Variants in SLC9A2 observed in about 807,000 individuals in gnomAD.
SLC9A2 encodes sodium/hydrogen exchanger 2.
A neutral mutation model predicts 71.7 loss-of-function variants in SLC9A2; 42 were observed. The observed-to-expected ratio is 0.59, with a 90% CI of 0.46 to 0.76. SLC9A2 has a LOEUF of 0.76. Ranked by LOEUF, SLC9A2 falls within the 30% of genes least tolerant of loss-of-function variation. SLC9A2 has a pLI of 0.00. For missense variants in SLC9A2, 829 were observed against 1,017.4 expected, an observed-to-expected ratio of 0.81 and a Z score of 2.52; for synonymous variants, 396 against 392.5, an observed-to-expected ratio of 1.01 and a Z score of -0.10.
rs369378782 is a variant in SLC9A2 at position 102,688,668 on chromosome 2, C to T, written c.1425+4332C>T. Among the ~76,000 whole-genome samples, 7 of 152,088 alleles carry T rather than the reference C, an allele frequency of 4.6e-5. No individual in the cohort carries two copies. The South Asian group carries it at 1.2e-3, about 27-fold the overall frequency. On this transcript the variant is annotated intron_variant, in intron 5 of 11. Transcript: ENST00000233969. ...GCTTGAACCAGGGAGTCAGAGGTTGCAGTGAGCCGAGATTTTGCCACTGCA... is the reference window on the plus strand; with the variant it reads ...GCTTGAACCAGGGAGTCAGAGGTTGTAGTGAGCCGAGATTTTGCCACTGCA...
Position 102,711,159 on chromosome 2 carries a change from C to A in SLC9A2, c.*2670C>A, listed in dbSNP as rs1251613687. 1 of 152,284 alleles carries A rather than the reference C, an allele frequency of 6.6e-6. No homozygotes were observed. Among genetic ancestry groups the A allele is most frequent in the South Asian group, 2.1e-4 (1 of 4,826 alleles). The allele number at this position is 152,284 out of a possible 1,614,324, so 9.4% of individuals were successfully genotyped here. ...TATTGATTTACATAAAAACTGTAGA[C>A]AAACACAGTACGAGTCTCAGCACGT... On this transcript the variant is annotated 3_prime_UTR_variant, in exon 12 of 12. Coordinates refer to ENST00000233969, the MANE Select transcript of SLC9A2 (RefSeq NM_003048.6).
At chr2:102,630,551 T>A (rs2104499603) in intron 1 of SLC9A2, among the ~76,000 whole-genome samples, 1 of 152,182 alleles carries the variant, frequency 6.6e-6, no homozygotes, top group East Asian at 1.9e-4. Context: ...TTATTTTTCT[T>A]GCTCAGAACT....
chr2:102,699,048 T>C (rs1052521093), intron 7 of SLC9A2, among the ~76,000 whole-genome samples: 3 of 152,060 alleles, frequency 2.0e-5, no homozygotes, highest in Non-Finnish European at 2.9e-5. Flanking sequence ...GTAAGACAAG[T>C]AAATTGTATG....
intron 5 of SLC9A2, among the ~76,000 whole-genome samples, chr2:102,693,348 G>A (rs2104547612): frequency 6.6e-6 from 1 of 152,286 alleles, no homozygotes; most frequent in Non-Finnish European, 1.5e-5. Flanking sequence ...ACTGGGACAT[G>A]CAGAACTGTG....
intron 1 of SLC9A2, among the ~76,000 whole-genome samples, chr2:102,636,250 G>T (rs147627310): frequency 2.7e-4 from 41 of 152,356 alleles, no homozygotes; most frequent in African/African-American, 9.4e-4. Flanking sequence ...GAAAGGGAAT[G>T]AAAGGGATAG....
intron 1 of SLC9A2, among the ~76,000 whole-genome samples, chr2:102,653,876 TA>T (rs1451636694): frequency 6.6e-6 from 1 of 152,212 alleles, no homozygotes; most frequent in Non-Finnish European, 1.5e-5. Flanking sequence ...GGAAGGCAAC[TA>T]AAATGTGGAG....
chr2:102,624,278 C>G (rs1573393874), intron 1 of SLC9A2, among the ~76,000 whole-genome samples: 1 of 152,190 alleles, frequency 6.6e-6, no homozygotes, highest in Non-Finnish European at 1.5e-5. Flanking sequence ...GGTCCTTGCA[C>G]ATGTGAATTC....
intron 1 of SLC9A2, among the ~76,000 whole-genome samples, chr2:102,650,011 T>C (rs1032433740): frequency 6.6e-6 from 1 of 152,184 alleles, no homozygotes; most frequent in Non-Finnish European, 1.5e-5. Context: ...TAAAGACACA[T>C]GCACACGTGT....
chr2:102,637,830 C>A (rs1676497588), intron 1 of SLC9A2, among the ~76,000 whole-genome samples: 1 of 152,178 alleles, frequency 6.6e-6, no homozygotes, highest in South Asian at 2.1e-4. Context: ...GTTCTCATTG[C>A]TGTGGTTGAG....
intron 1 of SLC9A2, among the ~76,000 whole-genome samples, chr2:102,623,313 A>G (rs1459293188): frequency 6.6e-6 from 1 of 152,148 alleles, no homozygotes; most frequent in Non-Finnish European, 1.5e-5. Flanking sequence ...AGTGAAGGGT[A>G]TATTTCTCAG....
chr2:102,708,389 GTT>G lies in SLC9A2; in HGVS notation c.2341_2342del (p.Leu781AspfsTer2). The stretch of plus-strand genomic sequence containing the variant: ...CAGTCTGGCTCAGAGAGGGAAGACA[GTT>G]TGACTGAAGGCATCCCGCCCAAGCC... On this transcript the variant is annotated frameshift_variant, in exon 12 of 12. Coordinates refer to ENST00000233969, the MANE Select transcript of SLC9A2 (RefSeq NM_003048.6). LOFTEE classifies it high-confidence loss of function. 3 of 1,614,240 alleles carry G rather than the reference GTT, an allele frequency of 1.9e-6. No individual in the cohort carries two copies. The highest frequency in any genetic ancestry group is 2.5e-6 in the Non-Finnish European group (3 of 1,180,046).
intron 1 of SLC9A2, among the ~76,000 whole-genome samples, chr2:102,646,474 G>T (rs867489180): frequency 7.9e-5 from 12 of 152,100 alleles, no homozygotes; most frequent in African/African-American, 2.9e-4. Context: ...AATATAAATG[G>T]GCTAAATGCC....
intron 1 of SLC9A2, among the ~76,000 whole-genome samples, chr2:102,627,589 C>T (rs192062231): frequency 1.3e-5 from 2 of 151,778 alleles, no homozygotes; most frequent in Admixed American, 1.3e-4. Flanking sequence ...TTATGTTCTC[C>T]TTTCTGTTTC....
intron 1 of SLC9A2, among the ~76,000 whole-genome samples, chr2:102,656,736 T>C (rs953444593): frequency 1.6e-4 from 25 of 152,192 alleles, no homozygotes; most frequent in African/African-American, 5.8e-4. Context: ...AATCTAAAAA[T>C]GGGCTGTGAC....
intron 1 of SLC9A2, among the ~76,000 whole-genome samples, chr2:102,628,480 A>G (rs2104498085): frequency 6.6e-6 from 1 of 152,270 alleles, no homozygotes; most frequent in African/African-American, 2.4e-5. Context: ...TCAAAGATGA[A>G]TTCTCATGAT....
intron 3 of SLC9A2, among the ~76,000 whole-genome samples, chr2:102,676,698 A>C (rs1677351405): frequency 6.6e-6 from 1 of 152,236 alleles, no homozygotes; most frequent in Admixed American, 6.5e-5. Flanking sequence ...TGTATAGTAC[A>C]TTCATGCCCT....
At chr2:102,661,391 A>G (rs1453830858) in intron 2 of SLC9A2, among the ~76,000 whole-genome samples, 4 of 152,222 alleles carry the variant, frequency 2.6e-5, no homozygotes, top group African/African-American at 9.6e-5. Flanking sequence ...AAGTAACTTT[A>G]GGAAGATGGA....
intron 3 of SLC9A2, among the ~76,000 whole-genome samples, chr2:102,676,093 T>C (rs1427510668): frequency 6.6e-6 from 1 of 152,232 alleles, no homozygotes; most frequent in African/African-American, 2.4e-5. Context: ...CAGCAACTCA[T>C]GCTGATGTTT....
intron 1 of SLC9A2, among the ~76,000 whole-genome samples, chr2:102,648,994 A>T (rs1676782450): frequency 6.6e-6 from 1 of 152,234 alleles, no homozygotes; most frequent in Admixed American, 6.5e-5. Flanking sequence ...TTTAAATTTC[A>T]TATGGAAACA....
Sources: gnomAD v4.1 joint callset for allele counts (sites outside exome capture counted in the v4.1 genomes callset) on GRCh38, gnomAD v4.1.1 for gene constraint, MANE v1.5 for transcripts, NCBI Gene and HGNC (gene_info 2026-07-23, HGNC 2026-07-21) for gene names.